The following UEVLD variants were observed in gnomAD, a reference collection of about 807,000 sequenced individuals.
UEVLD encodes UEV and lactate/malate dehyrogenase domains.
A neutral mutation model predicts 58.6 loss-of-function variants in UEVLD; 47 were observed. That is an observed-to-expected ratio of 0.80 (90% CI 0.63 to 1.02). The LOEUF (loss-of-function observed/expected upper bound fraction) is 1.02. UEVLD is among the 50% of genes least tolerant of loss of function. The pLI, the probability that UEVLD is intolerant of heterozygous loss-of-function variation, is 0.00. For synonymous variants in UEVLD, 197 were observed against 195.3 expected, an observed-to-expected ratio of 1.01 and a Z score of -0.07; for missense variants, 510 against 550.6, an observed-to-expected ratio of 0.93 and a Z score of 0.74.
intron 1 of UEVLD, among the ~76,000 whole-genome samples, chr11:18,583,691 C>G (rs1225070585): frequency 1.8e-5 from 2 of 109,842 alleles, no homozygotes; most frequent in African/African-American, 7.4e-5. Flanking sequence ...GACAGAGTTT[C>G]ACTCTTGTTG....
At chr11:18,540,816 T>C (rs1851022061) in intron 9 of UEVLD, among the ~76,000 whole-genome samples, 1 of 152,196 alleles carries the variant, frequency 6.6e-6, no homozygotes, top group South Asian at 2.1e-4. Flanking sequence ...AGTACAGCCT[T>C]CCAGTCATTT....
chr11:18,554,097 CTTTTT>C (rs911339485), intron 7 of UEVLD, among the ~76,000 whole-genome samples: 4 of 151,406 alleles, frequency 2.6e-5, no homozygotes, highest in African/African-American at 9.7e-5. Flanking sequence ...TTAATAGTTT[CTTTTT>C]TTTTGAGACG....
chr11:18,559,814 A>G (rs1425428301), intron 6 of UEVLD, among the ~76,000 whole-genome samples: 1 of 152,158 alleles, frequency 6.6e-6, no homozygotes, highest in African/African-American at 2.4e-5. Flanking sequence ...TGTAAATAAC[A>G]GCATGGAAAC....
chr11:18,545,076 T>TA (rs72240623), intron 8 of UEVLD, among the ~76,000 whole-genome samples: 12 of 34,408 alleles, frequency 3.5e-4, no homozygotes, highest in African/African-American at 1.2e-3. Flanking sequence ...ATATCTATAT[T>TA]TTTTTTTTTT....
chr11:18,546,145 T>C (rs185207294), intron 8 of UEVLD, among the ~76,000 whole-genome samples: 62 of 152,360 alleles, frequency 4.1e-4, no homozygotes, highest in Middle Eastern at 6.8e-3. Flanking sequence ...AATATTTCTA[T>C]TTTTGAGTAC....
At chr11:18,581,440 T>A (rs567255330) in intron 1 of UEVLD, among the ~76,000 whole-genome samples, 1 of 152,038 alleles carries the variant, frequency 6.6e-6, no homozygotes, top group Non-Finnish European at 1.5e-5. Context: ...TCCCAGCACA[T>A]TGGGAGGCCA....
In UEVLD at chr11:18,580,649, GA is replaced by G. The variant is rs1305104423; in HGVS notation, c.43-1842del. Among the ~76,000 whole-genome samples, 824 of 89,624 alleles carry G rather than the reference GA, an allele frequency of 9.2e-3. 7 individuals carry two copies. The highest frequency in any genetic ancestry group is 0.027 in the African/African-American group (639 of 23,320). The allele number at this position is 89,624 out of a possible 152,430, so 58.8% of individuals were successfully genotyped here. ...TCTTGGACAAAGACTGTGCTTCCCA[GA>G]AAAAAAAAAAAAAGAAAAATTAAAA... On this transcript the variant is annotated intron_variant, in intron 1 of 11. Transcript: ENST00000396197.
At chr11:18,575,127 C>A (rs1265296880) in intron 3 of UEVLD, among the ~76,000 whole-genome samples, 19 of 152,046 alleles carry the variant, frequency 1.2e-4, no homozygotes, top group Admixed American at 1.2e-3. Flanking sequence ...TTACGCTGTT[C>A]TATTTGATTT....
intron 6 of UEVLD, among the ~76,000 whole-genome samples, chr11:18,563,083 A>C (rs1852122617): frequency 6.7e-6 from 1 of 149,740 alleles, no homozygotes; most frequent in South Asian, 2.1e-4. Flanking sequence ...TCAGACTTTC[A>C]GATGCCTTCT....
In UEVLD at chr11:18,580,035, C is replaced by CTTTT. The variant is rs140542993; in HGVS notation, c.43-1231_43-1228dup. Among the ~76,000 whole-genome samples, 34 of 85,418 alleles carry CTTTT rather than the reference C, an allele frequency of 4.0e-4. 1 individual carries two copies. The highest frequency in any genetic ancestry group is 4.9e-4 in the South Asian group (1 of 2,040). The allele number at this position is 85,418 out of a possible 152,430, so 56.0% of individuals were successfully genotyped here. A position where few individuals can be genotyped will look rare whatever the true frequency, so the allele number is the denominator to read the frequency against. ...TAATCCCTATCAAAATCCCAGCTGG[C>CTTTT]TTTTTTTTTTTTTTTTTTTTTTTGG... On this transcript the variant is annotated intron_variant, in intron 1 of 11. Transcript: ENST00000396197.
intron 1 of UEVLD, chr11:18,587,619 ATGG>A (rs1853644004): frequency 4.6e-5 from 7 of 152,282 alleles, no homozygotes; most frequent in Middle Eastern, 3.4e-3. Flanking sequence ...ACTGGCCAAC[ATGG>A]TGAAAACCCA....
At chr11:18,545,377 A>G (rs944060531) in intron 8 of UEVLD, among the ~76,000 whole-genome samples, 8 of 145,888 alleles carry the variant, frequency 5.5e-5, no homozygotes, top group African/African-American at 2.0e-4. Context: ...AGCCCATAAC[A>G]TATTTTTAAT....
Position 18,531,703 on chromosome 11 carries a change from TTAAAG to T in UEVLD, c.*612_*616del, listed in dbSNP as rs1334243426. On this transcript the variant is annotated 3_prime_UTR_variant, in exon 12 of 12. Coordinates refer to ENST00000396197, the MANE Select transcript of UEVLD (RefSeq NM_001040697.4). ...TTCATAAAGGAAGTCCCACTGGAAA[TTAAAG>T]TAAACTTTTAATGCATATATTTTAA... 7.9e-5 allele frequency: 12 copies of T among 152,350 alleles called. 1 individual carries two copies. Among genetic ancestry groups the T allele is most frequent in the East Asian group, 1.9e-4 (1 of 5,192 alleles). The allele number at this position is 152,350 out of a possible 1,614,324, so 9.4% of individuals were successfully genotyped here.
chr11:18,564,024 A>AG (rs397793938), intron 6 of UEVLD: 53 of 323,626 alleles, frequency 1.6e-4, no homozygotes, highest in African/African-American at 1.0e-3. Context: ...AAAAAAAAAA[A>AG]GAGGTGATAG....
intron 6 of UEVLD, among the ~76,000 whole-genome samples, chr11:18,559,517 T>C (rs1851913749): frequency 6.6e-6 from 1 of 152,130 alleles, no homozygotes. Flanking sequence ...TTTCTTTTAA[T>C]GGGATGAGTT....
chr11:18,544,490 T>C (rs542384647), intron 9 of UEVLD, 133 bp downstream of exon 9: 1 of 907,098 alleles, frequency 1.1e-6, no homozygotes, highest in East Asian at 2.9e-5. Context: ...TATCTTTTTG[T>C]AGAGATGGGG....
At chr11:18,557,578 G>C (rs1213087048) in intron 7 of UEVLD, among the ~76,000 whole-genome samples, 23 of 148,710 alleles carry the variant, frequency 1.5e-4, no homozygotes, top group Non-Finnish European at 1.2e-4. Context: ...TCAGAGACAG[G>C]GTCTCGATAT....
chr11:18,537,610 T>G (rs1407977591), intron 9 of UEVLD, among the ~76,000 whole-genome samples: 1 of 146,892 alleles, frequency 6.8e-6, no homozygotes. Flanking sequence ...GGATTACAGG[T>G]GTGAGCCACT....
intron 1 of UEVLD, among the ~76,000 whole-genome samples, chr11:18,582,059 A>G (rs997221803): frequency 6.0e-5 from 9 of 151,170 alleles, no homozygotes; most frequent in African/African-American, 2.2e-4. Flanking sequence ...CCTCAACTCC[A>G]AACACTACAC....
Sources: allele counts gnomAD v4.1 joint callset (sites outside exome capture counted in the v4.1 genomes callset), GRCh38; gene constraint gnomAD v4.1.1; transcripts MANE v1.5; gene names NCBI Gene and HGNC (gene_info 2026-07-23, HGNC 2026-07-21).